SPG7: variants seen among roughly 807,000 people sequenced by gnomAD.
SPG7 encodes the protein mitochondrial inner membrane m-AAA protease component paraplegin.
SPG7 carries 103 observed loss-of-function variants against 81.9 expected under a neutral mutation model. The ratio of observed to expected loss-of-function variants is 1.26; its 90% confidence interval spans 1.07 to 1.48. The LOEUF (loss-of-function observed/expected upper bound fraction) is 1.48. SPG7 is among the 40% of genes most tolerant of loss of function. The probability of loss-of-function intolerance (pLI) is 0.00; values close to 1 mark genes in which losing one functional copy is unlikely to be tolerated. For missense variants in SPG7, 1,241 were observed against 1,087.3 expected (o/e 1.14, Z -1.99); for synonymous variants, 534 against 444.2 (o/e 1.20, Z -2.54).
intron 9 of SPG7, among the ~76,000 whole-genome samples, chr16:89,542,650 G>A (rs1299060526): frequency 6.6e-6 from 1 of 152,196 alleles, no homozygotes; most frequent in East Asian, 1.9e-4. Flanking sequence ...AGACCTGGCG[G>A]CTACGGCTTA....
intron 9 of SPG7, chr16:89,541,387 A>G: frequency 1.1e-6 from 1 of 935,206 alleles, no homozygotes; most frequent in South Asian, 4.9e-5. Flanking sequence ...CTCCACTTGT[A>G]CGAAATTGTC....
chr16:89,555,922 C>T (rs1292323905), intron 16 of SPG7: 1 of 398,782 alleles, frequency 2.5e-6, no homozygotes, highest in Non-Finnish European at 4.4e-6. Flanking sequence ...GGCCCTTAGA[C>T]TGTCGTCCCC....
chr16:89,550,365 GT>G (rs1405351185), intron 12 of SPG7, 128 bp from the exon 13 acceptor site: 8 of 740,180 alleles, frequency 1.1e-5, no homozygotes, highest in African/African-American at 8.6e-5. Context: ...TAGGGACGGG[GT>G]TTCACCATAT....
intron 9 of SPG7, chr16:89,543,682 C>T (rs1246461359): frequency 7.6e-6 from 1 of 132,176 alleles, no homozygotes; most frequent in African/African-American, 2.9e-5. Context: ...CTGACGGAGT[C>T]TTGCCCTGTA....
At chr16:89,514,148 A>G (rs1255836132) in intron 3 of SPG7, among the ~76,000 whole-genome samples, 1 of 152,086 alleles carries the variant, frequency 6.6e-6, no homozygotes, top group East Asian at 1.9e-4. Flanking sequence ...CTTTAGGCTC[A>G]TCTTCAGCTT....
rs113812167 is a variant in SPG7 at position 89,520,483 on chromosome 16, G to A, written c.377-3523G>A. 8.1e-3 allele frequency: 1,274 copies of A among 157,228 alleles called. 13 individuals are homozygous for A. Among genetic ancestry groups the A allele is most frequent in the African/African-American group, 0.027 (1,143 of 41,578 alleles). 9.7% of individuals were successfully genotyped at this position (157,228 alleles called of 1,614,324 possible). ...GCGATCTCAGCCCACTGCAACCTCC[G>A]CCCGCCATGTTTAAGCGATTCTCCT... is the stretch of plus-strand genomic sequence containing the variant. On this transcript the variant is annotated intron_variant, in intron 3 of 16. Coordinates refer to ENST00000645818, the MANE Select transcript of SPG7 (RefSeq NM_003119.4).
chr16:89,508,899 G>A (rs1307850894), intron 1 of SPG7: 1 of 600,578 alleles, frequency 1.7e-6, no homozygotes, highest in South Asian at 1.5e-5. Flanking sequence ...TTTTAAAGTG[G>A]AATCCAGTAA....
chr16:89,547,588 T>C, intron 11 of SPG7: 1 of 273,968 alleles, frequency 3.7e-6, no homozygotes, highest in Non-Finnish European at 7.1e-6. Context: ...TTGGTCTCTT[T>C]TCCCTCTTTG....
At chr16:89,523,775 C>G (rs1308231897) in intron 3 of SPG7, 3 of 684,418 alleles carry the variant, frequency 4.4e-6, no homozygotes, top group South Asian at 1.5e-5. Context: ...GGGAACCACT[C>G]CTGCTCCTCA....
At chr16:89,553,571 G>A (rs908527358) in intron 14 of SPG7, 1 of 584,656 alleles carries the variant, frequency 1.7e-6, no homozygotes, top group Non-Finnish European at 3.1e-6. Context: ...ATGCCCCCGG[G>A]TTCTAGATTT....
Position 89,513,036 on chromosome 16 carries a change from A to G in SPG7, c.375A>G (p.Glu125=). 2 of 1,604,824 alleles carry G rather than the reference A, an allele frequency of 1.2e-6. No homozygotes were observed. Residue 125 remains glutamate, a splice_region_variant and synonymous_variant, in exon 3 of 17, where the codon GAA becomes GAG. Coordinates refer to ENST00000645818, the MANE Select transcript of SPG7 (RefSeq NM_003119.4). ...KSKGKAPEED[E]EERRRRERDD... Reference sequence around the variant, plus strand: ...AGGGGAAGGCGCCTGAAGAGGACGAAGGTATATTCATCTGATGTTCTTCAG... The same window carrying G: ...AGGGGAAGGCGCCTGAAGAGGACGAGGGTATATTCATCTGATGTTCTTCAG...
At chr16:89,526,538 C>A in intron 5 of SPG7, 70 bp downstream of exon 5, 1 of 1,577,822 alleles carries the variant, frequency 6.3e-7, no homozygotes, top group Non-Finnish European at 8.7e-7. Flanking sequence ...AAACAGATTG[C>A]AATCAAAAAT....
intron 6 of SPG7, chr16:89,530,124 C>T (rs867314778): frequency 3.4e-5 from 9 of 266,224 alleles, no homozygotes; most frequent in Middle Eastern, 1.4e-3. Flanking sequence ...TAGGCATGAG[C>T]CACTGCACCT....
At chr16:89,512,431 G>A (rs2058035473) in intron 2 of SPG7, among the ~76,000 whole-genome samples, 2 of 152,136 alleles carry the variant, frequency 1.3e-5, no homozygotes, top group Non-Finnish European at 2.9e-5. Flanking sequence ...TTCTGCCTCA[G>A]CCTCCCAAGT....
rs557848015 is a variant in SPG7, at chr16:89,529,719, C to T, written c.861+140C>T. ...GAAGCCACAATTAGACAGCAGCTCA[C>T]CTTCCTTTCCCATGGTCCGGCTGTA... is the stretch of plus-strand genomic sequence containing the variant. On this transcript the variant is annotated intron_variant, in intron 6 of 16. Coordinates refer to ENST00000645818, the MANE Select transcript of SPG7 (RefSeq NM_003119.4). 5.1e-5 allele frequency: 37 copies of T among 720,206 alleles called. No individual in the cohort carries two copies. The African/African-American group carries it at 5.7e-4, about 11-fold the overall frequency. The allele number at this position is 720,206 out of a possible 1,614,324, so 44.6% of individuals were successfully genotyped here.
Position 89,553,735 on chromosome 16 carries a change from C to T in SPG7, c.1937-59C>T, listed in dbSNP as rs749017973. 1.0e-5 allele frequency: 16 copies of T among 1,548,106 alleles called. No homozygotes were observed. In the African/African-American group the frequency reaches 1.8e-4, roughly 17 times the overall value. On this transcript the variant is annotated intron_variant, in intron 14 of 16. Coordinates refer to ENST00000645818, the MANE Select transcript of SPG7 (RefSeq NM_003119.4). The stretch of plus-strand genomic sequence containing the variant: ...GTGCTCTGACCGGGACACCTGGGGC[C>T]CAGCACTGCTCTGCGCCTGCAGTGC...
chr16:89,515,010 C>T (rs2058076850), intron 3 of SPG7, among the ~76,000 whole-genome samples: 1 of 149,132 alleles, frequency 6.7e-6, no homozygotes, highest in Non-Finnish European at 1.5e-5. Flanking sequence ...GATCTCAGCT[C>T]ACTGCAAGCT....
intron 9 of SPG7, chr16:89,536,787 C>G (rs1244113333): frequency 1.2e-6 from 2 of 1,613,998 alleles, no homozygotes; most frequent in African/African-American, 2.7e-5. Flanking sequence ...ACCAGCTACC[C>G]TCCCAGGGGA....
intron 11 of SPG7, 72 bp downstream of exon 11, chr16:89,546,832 T>C: frequency 1.0e-6 from 1 of 977,500 alleles, no homozygotes; most frequent in Non-Finnish European, 1.7e-6. Flanking sequence ...GCAAACAGCA[T>C]CGAGGCCTCC....
Sources: allele counts gnomAD v4.1 joint callset (sites outside exome capture counted in the v4.1 genomes callset), GRCh38; gene constraint gnomAD v4.1.1; transcripts MANE v1.5; gene names NCBI Gene and HGNC (gene_info 2026-07-23, HGNC 2026-07-21).